TAFA1: variants seen among roughly 807,000 people sequenced by gnomAD.
TAFA1 encodes chemokine-like protein TAFA-1.
TAFA1 carries 4 observed loss-of-function variants against 18.5 expected under a neutral mutation model. The ratio of observed to expected loss-of-function variants is 0.22; its 90% CI spans 0.11 to 0.49. The LOEUF (loss-of-function observed/expected upper bound fraction) is 0.49, where lower values mean the gene tolerates loss of function less well. Ranked by LOEUF, TAFA1 falls within the 20% of genes least tolerant of loss-of-function variation. TAFA1 has a pLI of 0.98. For synonymous variants in TAFA1, 56 were observed against 55.2 expected (o/e 1.01, Z -0.06); for missense variants, 147 against 169.0 (o/e 0.87, Z 0.72).
At chr3:68,008,565 C>A (rs1452131007) in intron 2 of TAFA1, among the ~76,000 whole-genome samples, 1 of 152,070 alleles carries the variant, frequency 6.6e-6, no homozygotes, top group Non-Finnish European at 1.5e-5. Context: ...TGAGGCCACA[C>A]AGGGAATAGC....
At chr3:68,289,350 G>GT (rs894862245) in intron 2 of TAFA1, among the ~76,000 whole-genome samples, 4 of 152,016 alleles carry the variant, frequency 2.6e-5, no homozygotes, top group African/African-American at 9.7e-5. Context: ...TATGGTTCAT[G>GT]TTTTTTTGTG....
At chr3:68,492,219 G>A (rs1003168789) in intron 3 of TAFA1, among the ~76,000 whole-genome samples, 2 of 152,082 alleles carry the variant, frequency 1.3e-5, no homozygotes, top group African/African-American at 4.8e-5. Context: ...GATTAAAAAC[G>A]CTGTAGAAAC....
chr3:68,540,487 C>A (rs1464850665), intron 4 of TAFA1, among the ~76,000 whole-genome samples: 2 of 152,188 alleles, frequency 1.3e-5, no homozygotes, highest in East Asian at 3.9e-4. Context: ...ACTGATTCTT[C>A]CCAATAATTT....
chr3:68,361,579 A>C (rs2069468583), intron 2 of TAFA1, among the ~76,000 whole-genome samples: 1 of 151,986 alleles, frequency 6.6e-6, no homozygotes, highest in East Asian at 1.9e-4. Context: ...CATTATAGTC[A>C]TGTAACAAAT....
chr3:68,049,001 C>T (rs781099648), intron 2 of TAFA1, among the ~76,000 whole-genome samples: 18 of 152,084 alleles, frequency 1.2e-4, no homozygotes, highest in African/African-American at 2.4e-4. Flanking sequence ...CTGAATCATA[C>T]GGAAGTTCTA....
Position 68,160,692 on chromosome 3 carries a change from C to T in TAFA1, c.118+153948C>T, listed in dbSNP as rs1186516932. Reference sequence around the variant, plus strand: ...ATTAGCCATTTTTGGTAATAGTCAGCAATTAATCAATTTCCCTACCGTCAC... The same window carrying T: ...ATTAGCCATTTTTGGTAATAGTCAGTAATTAATCAATTTCCCTACCGTCAC... On this transcript the variant is annotated intron_variant, in intron 2 of 4. Transcript: ENST00000478136. Among the ~76,000 whole-genome samples the T allele has an allele frequency of 3.3e-5, 5 of 152,156 alleles. No homozygotes were observed. In the South Asian group the frequency reaches 6.2e-4, roughly 19 times the overall value.
chr3:68,423,501 A>G (rs1278117036), intron 3 of TAFA1, among the ~76,000 whole-genome samples: 1 of 152,146 alleles, frequency 6.6e-6, no homozygotes, highest in African/African-American at 2.4e-5. Context: ...GATGCAAAAT[A>G]TCTGGGTGAG....
intron 2 of TAFA1, among the ~76,000 whole-genome samples, chr3:68,278,837 C>G (rs1046299838): frequency 6.6e-6 from 1 of 152,130 alleles, no homozygotes. Context: ...TTCTACATTT[C>G]TAGCAAGTTG....
intron 2 of TAFA1, among the ~76,000 whole-genome samples, chr3:68,263,935 A>G (rs1249886699): frequency 2.0e-5 from 3 of 152,202 alleles, no homozygotes; most frequent in Middle Eastern, 3.2e-3. Flanking sequence ...AATGAGAATG[A>G]TTTGCCAAAT....
intron 3 of TAFA1, among the ~76,000 whole-genome samples, chr3:68,437,102 G>T (rs2071279103): frequency 6.6e-6 from 1 of 152,286 alleles, no homozygotes. Flanking sequence ...AAAGAAAGCT[G>T]GGAGGGAACT....
At chr3:68,145,527 C>T in intron 2 of TAFA1, 1 of 1,162,996 alleles carries the variant, frequency 8.6e-7, no homozygotes. Context: ...CTGGATGTTT[C>T]CTTTAACAAG....
At chr3:68,323,472 G>A (rs1685555764) in intron 2 of TAFA1, among the ~76,000 whole-genome samples, 1 of 152,206 alleles carries the variant, frequency 6.6e-6, no homozygotes, top group South Asian at 2.1e-4. Context: ...GGAAGCAACA[G>A]CATCTGAGTT....
chr3:68,398,690 G>C (rs2106738818), intron 2 of TAFA1, among the ~76,000 whole-genome samples: 1 of 152,196 alleles, frequency 6.6e-6, no homozygotes, highest in Non-Finnish European at 1.5e-5. Context: ...GCTGTTCCTT[G>C]ATGTTATTTC....
At chr3:68,115,145 G>A (rs2065309834) in intron 2 of TAFA1, among the ~76,000 whole-genome samples, 1 of 152,140 alleles carries the variant, frequency 6.6e-6, no homozygotes, top group Non-Finnish European at 1.5e-5. Flanking sequence ...GAGCCTTCTG[G>A]AACACTGGCA....
At chr3:68,092,028 G>A (rs2065035751) in intron 2 of TAFA1, among the ~76,000 whole-genome samples, 2 of 152,082 alleles carry the variant, frequency 1.3e-5, no homozygotes, top group Non-Finnish European at 2.9e-5. Context: ...TCAAAGCAAT[G>A]TCCCATTTCC....
At chr3:68,384,693 G>C (rs560220388) in intron 2 of TAFA1, among the ~76,000 whole-genome samples, 17 of 152,068 alleles carry the variant, frequency 1.1e-4, no homozygotes, top group Non-Finnish European at 2.4e-4. Context: ...ATTTGGTACA[G>C]TGCTGAGTTC....
Position 68,415,255 on chromosome 3 carries a change from C to T in TAFA1, c.119-2025C>T, listed in dbSNP as rs113195136. On this transcript the variant is annotated intron_variant, in intron 2 of 4. Transcript: ENST00000478136. ...TTGCCCTAGAGAAATACCTGTACCA[C>T]ACCAGTCCTTTGTTCCAAAAATTCC... 3.0e-4 allele frequency among the ~76,000 whole-genome samples: 46 copies of T among 152,286 alleles called. 1 individual carries two copies. The highest frequency in any genetic ancestry group is 1.5e-4 in the Non-Finnish European group (10 of 68,038).
intron 2 of TAFA1, among the ~76,000 whole-genome samples, chr3:68,144,342 C>T (rs914782979): frequency 6.6e-6 from 1 of 152,046 alleles, no homozygotes; most frequent in Non-Finnish European, 1.5e-5. Context: ...GGAAGGTGGC[C>T]GTACTGAAGT....
At chr3:68,312,896 A>G (rs72626957) in intron 2 of TAFA1, among the ~76,000 whole-genome samples, 3,937 of 152,292 alleles carry the variant, frequency 0.026, 90 homozygotes, top group East Asian at 0.098. Flanking sequence ...AAAGAGGTTT[A>G]ATTTGACTTA....
Sources: allele counts gnomAD v4.1 joint callset (sites outside exome capture counted in the v4.1 genomes callset), GRCh38; gene constraint gnomAD v4.1.1; transcripts MANE v1.5; gene names NCBI Gene and HGNC (gene_info 2026-07-23, HGNC 2026-07-21).